The following PEPD variants were observed in gnomAD, a reference collection of about 807,000 sequenced individuals.
The protein encoded by PEPD is xaa-Pro dipeptidase.
A neutral mutation model predicts 60.7 loss-of-function variants in PEPD; 53 were observed. The ratio of observed to expected loss-of-function variants is 0.87; its 90% CI spans 0.70 to 1.10. PEPD has a LOEUF of 1.10. Ranked by LOEUF, PEPD falls within the 50% of genes least tolerant of loss-of-function variation. The pLI is 0.00. For missense variants in PEPD, 711 were observed against 711.9 expected (o/e 1.00, Z 0.01); for synonymous variants, 267 against 284.1 (o/e 0.94, Z 0.60).
chr19:33,468,100 C>T (rs1970053757), intron 7 of PEPD, among the ~76,000 whole-genome samples: 2 of 152,094 alleles, frequency 1.3e-5, no homozygotes, highest in Non-Finnish European at 2.9e-5. Context: ...TTGGGGCTGG[C>T]CACCCGGTGA....
chr19:33,460,395 T>C (rs1055488652), intron 9 of PEPD, among the ~76,000 whole-genome samples: 1 of 152,134 alleles, frequency 6.6e-6, no homozygotes, highest in Non-Finnish European at 1.5e-5. Context: ...TGGCTGCAGA[T>C]GTCCCCAGGG....
At chr19:33,510,230 T>C (rs1259570531) in intron 3 of PEPD, among the ~76,000 whole-genome samples, 1 of 152,196 alleles carries the variant, frequency 6.6e-6, no homozygotes, top group Non-Finnish European at 1.5e-5. Context: ...ACCAGGGTTC[T>C]TGGTCTCGAG....
At chr19:33,469,457 C>T (rs1288693993) in intron 7 of PEPD, among the ~76,000 whole-genome samples, 1 of 152,212 alleles carries the variant, frequency 6.6e-6, no homozygotes, top group African/African-American at 2.4e-5. Context: ...CCCACGGGAG[C>T]CGCCACAGAT....
At chr19:33,457,339 G>A (rs1326290876) in intron 9 of PEPD, among the ~76,000 whole-genome samples, 2 of 152,118 alleles carry the variant, frequency 1.3e-5, no homozygotes, top group African/African-American at 4.8e-5. Flanking sequence ...GCTGAGGCGG[G>A]AGGATCACTT....
chr19:33,396,176 G>C (rs1410678608), intron 12 of PEPD: 1 of 152,364 alleles, frequency 6.6e-6, no homozygotes, highest in Non-Finnish European at 1.5e-5. Flanking sequence ...GGGTATCTAT[G>C]ACTGGGGTGG....
intron 12 of PEPD, among the ~76,000 whole-genome samples, chr19:33,395,807 T>C (rs8101286): frequency 6.6e-6 from 1 of 152,098 alleles, no homozygotes. Flanking sequence ...GATGGATGGG[T>C]GTGAGCCAGG....
chr19:33,500,130 T>A (rs572094614), intron 4 of PEPD, among the ~76,000 whole-genome samples: 1 of 152,324 alleles, frequency 6.6e-6, no homozygotes, highest in South Asian at 2.1e-4. Flanking sequence ...CAGGTCCAGG[T>A]TGGACTCCCA....
At chr19:33,486,057 G>C (rs1344078876) in intron 6 of PEPD, among the ~76,000 whole-genome samples, 4 of 151,932 alleles carry the variant, frequency 2.6e-5, no homozygotes, top group Admixed American at 6.6e-5. Flanking sequence ...CTCCTTCATG[G>C]TCAGTCTCCT....
intron 3 of PEPD, 127 bp downstream of exon 3, chr19:33,510,901 C>G (rs1970913389): frequency 1.0e-6 from 1 of 973,294 alleles, no homozygotes; most frequent in Admixed American, 2.0e-5. Flanking sequence ...TGACCGCATG[C>G]CCTTCCTCCT....
intron 4 of PEPD, among the ~76,000 whole-genome samples, chr19:33,496,592 C>T (rs1192007165): frequency 6.6e-6 from 1 of 152,238 alleles, no homozygotes; most frequent in Non-Finnish European, 1.5e-5. Flanking sequence ...GTTGCTGGCT[C>T]CCGATGTATC....
chr19:33,433,298 T>TA (rs1214246986), intron 9 of PEPD, among the ~76,000 whole-genome samples: 1 of 152,174 alleles, frequency 6.6e-6, no homozygotes, highest in Admixed American at 6.5e-5. Flanking sequence ...GTTTTCTCCT[T>TA]AAACTGCAGA....
At chr19:33,388,129 C>A in intron 13 of PEPD, 48 bp from the exon 14 acceptor site, 1 of 1,474,226 alleles carries the variant, frequency 6.8e-7, no homozygotes, top group Admixed American at 2.0e-5. Flanking sequence ...CCAGGGCTCA[C>A]CGTGGCCTCA....
chr19:33,412,417 C>T (rs965010178), intron 10 of PEPD, among the ~76,000 whole-genome samples: 1 of 152,204 alleles, frequency 6.6e-6, no homozygotes, highest in Non-Finnish European at 1.5e-5. Context: ...CGGAACCCCT[C>T]CTTTCCTGGT....
chr19:33,444,161 C>T lies in PEPD; in HGVS notation c.671+18834G>A, dbSNP rs1399476646. Reference sequence around the variant, plus strand: ...TATCACACGCACATGCACACACACACGCTGTATGTCCTCTGGCAGGCAGGG... The same window carrying T: ...TATCACACGCACATGCACACACACATGCTGTATGTCCTCTGGCAGGCAGGG... On this transcript the variant is annotated intron_variant, in intron 9 of 14. Coordinates refer to ENST00000244137, the MANE Select transcript of PEPD (RefSeq NM_000285.4). 2.6e-5 allele frequency among the ~76,000 whole-genome samples: 4 copies of T among 152,022 alleles called. No homozygotes were observed. The South Asian group carries it at 6.2e-4, about 24-fold the overall frequency.
chr19:33,411,560 G>C, intron 11 of PEPD, 112 bp downstream of exon 11: 1 of 718,292 alleles, frequency 1.4e-6, no homozygotes. Flanking sequence ...GGGACTTGCT[G>C]TGGTCAGCCC....
intron 9 of PEPD, among the ~76,000 whole-genome samples, chr19:33,441,740 G>T (rs1969483994): frequency 6.6e-6 from 1 of 152,204 alleles, no homozygotes. Context: ...CCCCTTCCCA[G>T]GCAGTCTCTT....
At chr19:33,496,101 G>C (rs1194520568) in intron 4 of PEPD, among the ~76,000 whole-genome samples, 1 of 152,198 alleles carries the variant, frequency 6.6e-6, no homozygotes, top group Non-Finnish European at 1.5e-5. Flanking sequence ...GCCGGCCCTA[G>C]GTGTGTTGTT....
intron 9 of PEPD, among the ~76,000 whole-genome samples, chr19:33,428,466 G>A (rs557500052): frequency 3.9e-5 from 6 of 152,308 alleles, no homozygotes; most frequent in African/African-American, 1.4e-4. Flanking sequence ...CCACCAGGAG[G>A]TCATGGCTAG....
At chr19:33,491,042 T>A (rs1284697709) in intron 5 of PEPD, among the ~76,000 whole-genome samples, 2 of 152,158 alleles carry the variant, frequency 1.3e-5, no homozygotes, top group South Asian at 4.1e-4. Flanking sequence ...ATTGAACACA[T>A]TGGATCATCT....
Sources: gnomAD v4.1 joint callset for allele counts (sites outside exome capture counted in the v4.1 genomes callset) on GRCh38, gnomAD v4.1.1 for gene constraint, MANE v1.5 for transcripts, NCBI Gene and HGNC (gene_info 2026-07-23, HGNC 2026-07-21) for gene names.